SCTR: variants seen among roughly 807,000 people sequenced by gnomAD.
The protein encoded by SCTR is pancreatic secretin receptor.
SCTR carries 56 observed loss-of-function variants against 60.8 expected under a neutral mutation model. The ratio of observed to expected loss-of-function variants is 0.92; its 90% CI spans 0.74 to 1.15. The LOEUF is 1.15. Ranked by LOEUF, SCTR falls within the 50% of genes most tolerant of loss-of-function variation. SCTR has a pLI of 0.00. For synonymous variants in SCTR, 202 were observed against 217.0 expected (o/e 0.93, Z 0.61); for missense variants, 562 against 550.4 (o/e 1.02, Z -0.21).
At chr2:119,479,463 G>A (rs1320418881) in intron 2 of SCTR, 1 of 167,800 alleles carries the variant, frequency 6.0e-6, no homozygotes, top group Non-Finnish European at 1.2e-5. Context: ...CTTGTCCCAT[G>A]ATTCTCAAAC....
At chr2:119,453,370 G>A (rs775283130) in intron 7 of SCTR, 23 bp from the exon 8 acceptor site, 9 of 1,600,228 alleles carry the variant, frequency 5.6e-6, no homozygotes, top group Non-Finnish European at 6.9e-6. Context: ...AACAAAGGGA[G>A]GGGCAGAAGA....
intron 11 of SCTR, among the ~76,000 whole-genome samples, chr2:119,446,397 C>T (rs920743784): frequency 1.1e-4 from 17 of 152,218 alleles, no homozygotes; most frequent in Admixed American, 1.1e-3. Context: ...CCGCCCCACG[C>T]TCCCGCGAGG....
At chr2:119,460,436 GTGGATGGATGGA>G (rs111277760) in intron 7 of SCTR, among the ~76,000 whole-genome samples, 105 of 149,470 alleles carry the variant, frequency 7.0e-4, no homozygotes, top group Middle Eastern at 3.5e-3. Context: ...GGGTGGGTGG[GTGGATGGATGGA>G]TGGATGGATG....
intron 7 of SCTR, among the ~76,000 whole-genome samples, chr2:119,459,489 A>G (rs1683513101): frequency 1.3e-5 from 2 of 152,088 alleles, no homozygotes; most frequent in Admixed American, 6.6e-5. Flanking sequence ...CTTTGATGAA[A>G]TCAGTATAAT....
rs775966742 is a variant in SCTR, at chr2:119,461,912, G to GT, written c.724dup (p.Thr242AsnfsTer10). On this transcript the variant is annotated frameshift_variant, in exon 7 of 13. Transcript: ENST00000019103. LOFTEE classifies it high-confidence loss of function. Reference sequence around the variant, plus strand: ...AGAGAAGAAGGAGATGGCGAGGAGTGTGTGAAGGTAGAGGCCTTCCACCAG... The same window carrying GT: ...AGAGAAGAAGGAGATGGCGAGGAGTGTTGTGAAGGTAGAGGCCTTCCACCAG... 34 of 1,613,940 alleles carry GT rather than the reference G, an allele frequency of 2.1e-5. No homozygotes were observed. The highest frequency in any genetic ancestry group is 2.9e-5 in the Non-Finnish European group (34 of 1,179,986).
At chr2:119,472,828 G>A (rs1677082307) in intron 4 of SCTR, among the ~76,000 whole-genome samples, 1 of 152,014 alleles carries the variant, frequency 6.6e-6, no homozygotes. Flanking sequence ...ATTTTTTGTA[G>A]ATCCAATGTT....
intron 2 of SCTR, among the ~76,000 whole-genome samples, chr2:119,481,727 G>C (rs905457527): frequency 6.6e-6 from 1 of 152,236 alleles, no homozygotes; most frequent in Admixed American, 6.5e-5. Context: ...GCACGCCCCT[G>C]TGCCTACGAT....
At chr2:119,500,139 A>G (rs1350577161) in intron 1 of SCTR, among the ~76,000 whole-genome samples, 1 of 152,158 alleles carries the variant, frequency 6.6e-6, no homozygotes, top group Non-Finnish European at 1.5e-5. Context: ...AATCAAAACC[A>G]CAATGAGACA....
intron 7 of SCTR, among the ~76,000 whole-genome samples, chr2:119,458,843 G>A (rs1182765705): frequency 6.6e-6 from 1 of 152,190 alleles, no homozygotes; most frequent in African/African-American, 2.4e-5. Flanking sequence ...AGAGTCTCTG[G>A]GCGGGGAGTG....
Position 119,473,549 on chromosome 2 carries a change from C to T in SCTR, c.309G>A (p.Leu103=), listed in dbSNP as rs776502577. Residue 103 remains leucine (L), a synonymous_variant, in exon 4 of 13, where the codon TTG becomes TTA. Transcript: ENST00000019103. ...LRMLTSRNGS[L]FRNCTQDGWS... is the part of the protein sequence containing the mutation. The stretch of plus-strand genomic sequence containing the variant: ...AGCCATCCTGTGTGCAGTTTCGGAA[C>T]AAGGAACCTGTGGGTGCCAAGAGTC... The T allele has an allele frequency of 6.2e-7, 1 of 1,613,172 alleles. No homozygotes were observed. The highest frequency in any genetic ancestry group is 1.1e-5 in the South Asian group (1 of 91,062).
rs13392937 is a variant in SCTR at position 119,467,460 on chromosome 2, A to T, written c.406-1574T>A. Among the ~76,000 whole-genome samples, 381 of 152,300 alleles carry T rather than the reference A, an allele frequency of 2.5e-3. 1 individual carries two copies. Among genetic ancestry groups the T allele is most frequent in the African/African-American group, 8.9e-3 (372 of 41,568 alleles). On this transcript the variant is annotated intron_variant, in intron 4 of 12. Coordinates refer to ENST00000019103, the MANE Select transcript of SCTR (RefSeq NM_002980.3). ...CAAGGGAATAAAAATTAAAAGAATAATTTTTACCAACCAAACTAACAAATA... is the reference window on the plus strand; with the variant it reads ...CAAGGGAATAAAAATTAAAAGAATATTTTTTACCAACCAAACTAACAAATA...
chr2:119,490,550 C>T (rs1019439607), intron 2 of SCTR, among the ~76,000 whole-genome samples: 2 of 152,192 alleles, frequency 1.3e-5, no homozygotes, highest in African/African-American at 4.8e-5. Context: ...TTTTTTATCT[C>T]CTCTCCTCCA....
intron 1 of SCTR, among the ~76,000 whole-genome samples, chr2:119,504,279 A>C (rs2104925005): frequency 6.6e-6 from 1 of 152,318 alleles, no homozygotes; most frequent in South Asian, 2.1e-4. Context: ...GCTTAAATTC[A>C]AGCTATGAAA....
At chr2:119,496,550 A>T (rs1573904493) in intron 1 of SCTR, among the ~76,000 whole-genome samples, 1 of 152,316 alleles carries the variant, frequency 6.6e-6, no homozygotes, top group African/African-American at 2.4e-5. Flanking sequence ...TACAAAACAA[A>T]CATAAGAAGA....
At chr2:119,460,803 C>T (rs1438088809) in intron 7 of SCTR, among the ~76,000 whole-genome samples, 1 of 152,166 alleles carries the variant, frequency 6.6e-6, no homozygotes, top group Admixed American at 6.6e-5. Flanking sequence ...CAATGAATCC[C>T]GAATTTCCTT....
intron 10 of SCTR, among the ~76,000 whole-genome samples, chr2:119,447,428 G>A (rs1461875072): frequency 6.6e-6 from 1 of 152,136 alleles, no homozygotes; most frequent in Non-Finnish European, 1.5e-5. Context: ...AAATGTAACT[G>A]GGCATCCTGT....
chr2:119,520,236 C>T (rs1679248439), intron 1 of SCTR, among the ~76,000 whole-genome samples: 1 of 152,200 alleles, frequency 6.6e-6, no homozygotes, highest in Non-Finnish European at 1.5e-5. Context: ...CATGGTGGCT[C>T]ATACCCATAA....
At position 119,478,863 on chromosome 2, in the gene SCTR, C is replaced by T; in HGVS notation, c.249G>A (p.Arg83=). Residue 83 remains arginine (R), a synonymous_variant, in exon 3 of 13, where the codon CGG becomes CGA. Transcript: ENST00000019103. ...ISCWPSSVPG[R]MVEVECPRFL... is the part of the protein sequence containing the mutation. ...ATCTCGGGCATTCCACCTCCACCAT[C>T]CGGCCCGGCACAGAAGAGGGCCAGC... 2.5e-6 allele frequency: 4 copies of T among 1,614,202 alleles called. No homozygotes were observed. The highest frequency in any genetic ancestry group is 3.4e-6 in the Non-Finnish European group (4 of 1,180,040).
At chr2:119,440,871 C>T (rs1448579118) in intron 12 of SCTR, among the ~76,000 whole-genome samples, 4 of 152,230 alleles carry the variant, frequency 2.6e-5, no homozygotes, top group Non-Finnish European at 5.9e-5. Flanking sequence ...ACCTTTGAAG[C>T]TAGGCTTGAT....
Sources: gnomAD v4.1 joint callset for allele counts (sites outside exome capture counted in the v4.1 genomes callset) on GRCh38, gnomAD v4.1.1 for gene constraint, MANE v1.5 for transcripts, NCBI Gene and HGNC (gene_info 2026-07-23, HGNC 2026-07-21) for gene names.